Variants in STARD7 observed in about 807,000 individuals in gnomAD.
STARD7 encodes the protein stAR-related lipid transfer protein 7, mitochondrial.
In STARD7, 30 loss-of-function variants were observed where a neutral mutation model predicts 45.3. The observed-to-expected ratio is 0.66, with a 90% CI of 0.50 to 0.90. STARD7 has a LOEUF of 0.90. Among genes scored for constraint, STARD7 ranks in the 40% least tolerant of loss-of-function variants. The probability of loss-of-function intolerance (pLI) is 0.00; values close to 1 mark genes in which losing one functional copy is unlikely to be tolerated. For synonymous variants in STARD7, 199 were observed against 183.0 expected (o/e 1.09, Z -0.70); for missense variants, 495 against 491.3 (o/e 1.01, Z -0.07).
chr2:96,188,008 C>T (rs1455968936), intron 6 of STARD7: 3 of 151,186 alleles, frequency 2.0e-5, no homozygotes, highest in African/African-American at 4.9e-5. Flanking sequence ...GGCGTGGTGG[C>T]TCATGCCTTA....
chr2:96,208,450 G>T lies in STARD7; in HGVS notation c.-16C>A. 7.4e-7 allele frequency: 1 copy of T among 1,359,144 alleles called. No individual in the cohort carries two copies. The highest frequency in any genetic ancestry group is 9.4e-7 in the Non-Finnish European group (1 of 1,065,954). The allele number at this position is 1,359,144 out of a possible 1,614,324, so 84.2% of individuals were successfully genotyped here. On this transcript the variant is annotated 5_prime_UTR_variant, in exon 1 of 8. Coordinates refer to ENST00000337288, the MANE Select transcript of STARD7 (RefSeq NM_020151.4). ...GCGGGAGCATGCCGCCTCCCGCAGG[G>T]CCCGCCGCGAGCTTCCGGGGCCCAA...
intron 1 of STARD7, among the ~76,000 whole-genome samples, chr2:96,204,920 G>C (rs1301855022): frequency 1.3e-5 from 2 of 152,094 alleles, no homozygotes; most frequent in Non-Finnish European, 2.9e-5. Flanking sequence ...CAAATTTCTG[G>C]AGCAATGAAC....
intron 6 of STARD7, 50 bp from the exon 7 acceptor site, chr2:96,187,351 A>T: frequency 8.9e-7 from 1 of 1,123,172 alleles, no homozygotes; most frequent in South Asian, 1.2e-5. Context: ...ACCAACCACA[A>T]CCTCCATATC....
intron 6 of STARD7, among the ~76,000 whole-genome samples, chr2:96,188,345 G>A (rs1029010504): frequency 8.6e-5 from 11 of 128,220 alleles, no homozygotes; most frequent in Non-Finnish European, 1.2e-4. Context: ...GCACAATCTC[G>A]GCTCACCACA....
chr2:96,208,230 G>C lies in STARD7; in HGVS notation c.205C>G (p.Pro69Ala), dbSNP rs1683431391. The C allele has an allele frequency of 2.5e-6, 4 of 1,612,510 alleles. No homozygotes were observed. The highest frequency in any genetic ancestry group is 3.4e-6 in the Non-Finnish European group (4 of 1,179,618). The change falls in exon 1 of 8, where the codon CCT (proline) becomes GCT (alanine). Residue 69 changes from proline to alanine, a missense_variant. Pro to Ala is a conservative substitution (Grantham distance 27). This residue lies in a region of STARD7 where 282 missense variants were observed against 220.1 expected (regional missense o/e 1.28). Transcript: ENST00000337288. ...GCCATCAAGGCAGAGGCATGGCCAG[G>C]ACGGCCGTGCAGCCGGCGCCAGAGG... ...GRLWRRLHGRPGHASALMAAL... is the reference protein window; with the variant it reads ...GRLWRRLHGRAGHASALMAAL...
intron 6 of STARD7, among the ~76,000 whole-genome samples, chr2:96,188,463 C>G (rs1022170241): frequency 1.3e-5 from 2 of 150,328 alleles, no homozygotes; most frequent in African/African-American, 4.9e-5. Context: ...TCAGTAGAAA[C>G]GGGGCTTCTC....
chr2:96,195,278 A>C lies in STARD7; in HGVS notation c.499+63T>G, dbSNP rs890458765. ...ACCAGAACAGTTTAGAGAAGTATGA[A>C]GAACAGAAATCCCATGCACCTGTGC... On this transcript the variant is annotated intron_variant, in intron 2 of 7. Transcript: ENST00000337288. 2.2e-6 allele frequency: 3 copies of C among 1,375,110 alleles called. No homozygotes were observed. In the African/African-American group the frequency reaches 4.3e-5, roughly 20 times the overall value. The allele number at this position is 1,375,110 out of a possible 1,614,324, so 85.2% of individuals were successfully genotyped here.
In STARD7 at chr2:96,208,467, G is replaced by A; in HGVS notation, c.-33C>T. On this transcript the variant is annotated 5_prime_UTR_variant, in exon 1 of 8. Transcript: ENST00000337288. ...CCCGCAGGGCCCGCCGCGAGCTTCCGGGGCCCAAGGAACCAGTCCGGAGGG... is the reference window on the plus strand; with the variant it reads ...CCCGCAGGGCCCGCCGCGAGCTTCCAGGGCCCAAGGAACCAGTCCGGAGGG... 1.5e-6 allele frequency: 2 copies of A among 1,358,922 alleles called. No individual in the cohort carries two copies. Among genetic ancestry groups the A allele is most frequent in the South Asian group, 3.6e-5 (2 of 54,874 alleles). 84.2% of individuals were successfully genotyped at this position (1,358,922 alleles called of 1,614,324 possible).
chr2:96,207,132 T>C (rs1022750060), intron 1 of STARD7, among the ~76,000 whole-genome samples: 3 of 152,250 alleles, frequency 2.0e-5, no homozygotes, highest in East Asian at 1.9e-4. Flanking sequence ...CCACAATTCA[T>C]AGTGTGGCAC....
rs1415823921 is a variant in STARD7 at position 96,186,533 on chromosome 2, C to T, written c.*197G>A. ...GCCTGAGAATATGACAACACTCCCA[C>T]AAATGTAGCCTTCTTCTGTTTTGAT... On this transcript the variant is annotated 3_prime_UTR_variant, in exon 8 of 8. Transcript: ENST00000337288. 1.1e-5 allele frequency: 5 copies of T among 437,990 alleles called. No individual in the cohort carries two copies. The highest frequency in any genetic ancestry group is 1.0e-4 in the African/African-American group (5 of 49,144). The allele number at this position is 437,990 out of a possible 1,614,324, so 27.1% of individuals were successfully genotyped here.
In STARD7 at chr2:96,194,585, G is replaced by A. The variant is rs368055896; in HGVS notation, c.549+373C>T. Among the ~76,000 whole-genome samples, 15 of 152,208 alleles carry A rather than the reference G, an allele frequency of 9.9e-5. No homozygotes were observed. In the South Asian group the frequency reaches 3.1e-3, roughly 32 times the overall value. On this transcript the variant is annotated intron_variant, in intron 3 of 7. Transcript: ENST00000337288. ...GGTATCATGATTAGTTAAGAAATACGGCATATGGCTAGTTTTAGGAAATAC... is the reference window on the plus strand; with the variant it reads ...GGTATCATGATTAGTTAAGAAATACAGCATATGGCTAGTTTTAGGAAATAC...
chr2:96,207,760 C>T (rs1454839635), intron 1 of STARD7, among the ~76,000 whole-genome samples: 1 of 152,174 alleles, frequency 6.6e-6, no homozygotes, highest in Non-Finnish European at 1.5e-5. Flanking sequence ...AGCAGCCCAC[C>T]ACCCTTAGGC....
Position 96,194,969 on chromosome 2 carries a change from A to C in STARD7, c.538T>G (p.Phe180Val). Reference protein sequence around the residue: ...TYTDVTPRQFFNVQLDTEYRK... With the variant: ...TYTDVTPRQFVNVQLDTEYRK... Reference sequence around the variant, plus strand: ...AAAAATTAACTCACCTGAACATTGAAGAACTGCCGAGGTGTCACATCTGTG... The same window carrying C: ...AAAAATTAACTCACCTGAACATTGACGAACTGCCGAGGTGTCACATCTGTG... The change falls in exon 3 of 8, where the codon TTC becomes GTC. Residue 180 changes from phenylalanine (F) to valine (V), a missense_variant. Physicochemically the swap from Phe to Val is conservative, Grantham distance 50. Coordinates refer to ENST00000337288, the MANE Select transcript of STARD7 (RefSeq NM_020151.4). The C allele has an allele frequency of 6.2e-7, 1 of 1,610,268 alleles. No homozygotes were observed. The highest frequency in any genetic ancestry group is 1.1e-5 in the South Asian group (1 of 89,876).
chr2:96,204,084 C>G (rs1438338819), intron 1 of STARD7, among the ~76,000 whole-genome samples: 1 of 152,044 alleles, frequency 6.6e-6, no homozygotes, highest in African/African-American at 2.4e-5. Context: ...CATGGTGAAT[C>G]CCCGTCTCCA....
chr2:96,202,763 T>G (rs1683326506), intron 1 of STARD7, among the ~76,000 whole-genome samples: 1 of 152,242 alleles, frequency 6.6e-6, no homozygotes, highest in Admixed American at 6.5e-5. Flanking sequence ...TTATCATTCT[T>G]GCCACATAAT....
rs1683153957 is a variant in STARD7 at position 96,193,271 on chromosome 2, C to T, written c.631G>A (p.Glu211Lys). Residue 211 changes from glutamate (E) to lysine (K), a missense_variant, in exon 4 of 8, where the codon GAG becomes AAG. Glu to Lys is a moderately conservative substitution (Grantham distance 56). Around this residue, in one of 2 missense-constraint regions of STARD7, gnomAD observed 213 missense variants for 271.2 expected, o/e 0.79. Transcript: ENST00000337288. ...AAATGGGTTACCCAGTGAAGAACCTCGGAACCACTAACCACATCCCTCTCA... is the reference window on the plus strand; with the variant it reads ...AAATGGGTTACCCAGTGAAGAACCTTGGAACCACTAACCACATCCCTCTCA... ...VIERDVVSGS[E>K]VLHWVTHFPY... is the part of the protein sequence containing the mutation. 6 of 1,613,714 alleles carry T rather than the reference C, an allele frequency of 3.7e-6. No homozygotes were observed. The highest frequency in any genetic ancestry group is 1.1e-5 in the South Asian group (1 of 91,076).
chr2:96,207,287 G>A (rs544869604), intron 1 of STARD7, among the ~76,000 whole-genome samples: 2 of 152,202 alleles, frequency 1.3e-5, no homozygotes, highest in South Asian at 4.1e-4. Flanking sequence ...ATAAACAGGC[G>A]AGTGTGGAAT....
intron 1 of STARD7, among the ~76,000 whole-genome samples, chr2:96,201,477 A>T (rs1683303547): frequency 6.6e-6 from 1 of 151,536 alleles, no homozygotes; most frequent in Non-Finnish European, 1.5e-5. Context: ...AGTCCCAGCT[A>T]CTGAGGAGGC....
chr2:96,193,969 G>C (rs1238711902), intron 3 of STARD7, among the ~76,000 whole-genome samples: 1 of 152,200 alleles, frequency 6.6e-6, no homozygotes, highest in Non-Finnish European at 1.5e-5. Flanking sequence ...TTTTGTTCTA[G>C]AACTCTGGGC....
Sources: allele counts gnomAD v4.1 joint callset (sites outside exome capture counted in the v4.1 genomes callset), GRCh38; gene constraint gnomAD v4.1.1; regional missense constraint gnomAD v4.1.1; transcripts MANE v1.5; gene names NCBI Gene and HGNC (gene_info 2026-07-23, HGNC 2026-07-21).